Variants in ST3GAL3 observed in about 807,000 individuals in gnomAD.
ST3GAL3 encodes the protein ST3 beta-galactoside alpha-2,3-sialyltransferase 3, also known as CMP-N-acetylneuraminate-beta-1,4-galactoside alpha-2,3-sialyltransferase.
ST3GAL3 carries 21 observed loss-of-function variants against 50.1 expected under a neutral mutation model. The ratio of observed to expected loss-of-function variants is 0.42; its 90% CI spans 0.30 to 0.60. ST3GAL3 has a LOEUF of 0.60. ST3GAL3 is among the 20% of genes least tolerant of loss of function. The pLI is 0.19. For missense variants in ST3GAL3, 353 were observed against 489.4 expected (o/e 0.72, Z 2.63); for synonymous variants, 183 against 190.0 (o/e 0.96, Z 0.30).
chr1:43,808,679 A>G (rs757412547), intron 3 of ST3GAL3, among the ~76,000 whole-genome samples: 3 of 152,188 alleles, frequency 2.0e-5, no homozygotes, highest in Non-Finnish European at 4.4e-5. Flanking sequence ...AGACCAGGGC[A>G]ACTAGAATTC....
Position 43,817,110 on chromosome 1 carries a change from TTC to T in ST3GAL3, c.209+2179_209+2180del, listed in dbSNP as rs1410703214. Among the ~76,000 whole-genome samples the T allele has an allele frequency of 2.0e-5, 3 of 152,368 alleles. No homozygotes were observed. In the East Asian group the frequency reaches 5.8e-4, roughly 29 times the overall value. ...AACTTGAATCAGAACTTGATTTGAA[TTC>T]TGTCTGCTGCATAGTATTACATGAC... On this transcript the variant is annotated intron_variant, in intron 4 of 11. Transcript: ENST00000347631.
At position 43,910,493 on chromosome 1, in the gene ST3GAL3, G is replaced by A. The variant is rs183803855; in HGVS notation, c.745-9911G>A. Among the ~76,000 whole-genome samples, 712 of 152,332 alleles carry A rather than the reference G, an allele frequency of 4.7e-3. 8 individuals carry two copies. The highest frequency in any genetic ancestry group is 7.4e-3 in the Non-Finnish European group (504 of 68,036). ...TAAGAACTAGTAGGACAATGCACAG[G>A]ACAACAGTGACACACTGTGCTCATC... is the stretch of plus-strand genomic sequence containing the variant. On this transcript the variant is annotated intron_variant, in intron 9 of 11. Coordinates refer to ENST00000347631, the MANE Select transcript of ST3GAL3 (RefSeq NM_006279.5).
chr1:43,781,834 G>A (rs555162426), intron 2 of ST3GAL3, among the ~76,000 whole-genome samples: 1 of 152,210 alleles, frequency 6.6e-6, no homozygotes, highest in East Asian at 1.9e-4. Flanking sequence ...CCATTTCATA[G>A]AGAAAATAAA....
chr1:43,776,318 G>T (rs1468902743), intron 2 of ST3GAL3, among the ~76,000 whole-genome samples: 1 of 152,092 alleles, frequency 6.6e-6, no homozygotes, highest in Non-Finnish European at 1.5e-5. Flanking sequence ...ATAATATGTA[G>T]TCTTTTGTGA....
In ST3GAL3 at chr1:43,905,581, C is replaced by T. The variant is rs151287163; in HGVS notation, c.744+5854C>T. ...TCCTGCCACTGTTTCTCCCCCTCCT[C>T]CTGCTTCTCTTCCCGCCACTGTTTC... On this transcript the variant is annotated intron_variant, in intron 9 of 11. Coordinates refer to ENST00000347631, the MANE Select transcript of ST3GAL3 (RefSeq NM_006279.5). 6.5e-3 allele frequency among the ~76,000 whole-genome samples: 347 copies of T among 53,574 alleles called. 27 individuals carry two copies. The highest frequency in any genetic ancestry group is 0.021 in the East Asian group (36 of 1,750). 35.1% of individuals were successfully genotyped at this position (53,574 alleles called of 152,430 possible).
chr1:43,845,551 G>T (rs2066111169), intron 5 of ST3GAL3, among the ~76,000 whole-genome samples: 2 of 151,786 alleles, frequency 1.3e-5, no homozygotes, highest in African/African-American at 2.4e-5. Context: ...CTGATTTGAG[G>T]TTTATCATTT....
At chr1:43,790,511 CTA>C (rs1039813983) in intron 2 of ST3GAL3, among the ~76,000 whole-genome samples, 15 of 151,876 alleles carry the variant, frequency 9.9e-5, no homozygotes, top group African/African-American at 3.1e-4. Context: ...TTATTGAACT[CTA>C]TGTTTAATTT....
At chr1:43,917,628 A>AT (rs2082243387) in intron 9 of ST3GAL3, among the ~76,000 whole-genome samples, 2 of 64,250 alleles carry the variant, frequency 3.1e-5, no homozygotes, top group African/African-American at 1.4e-4. Flanking sequence ...TATATTATAT[A>AT]TAATATATAA....
intron 2 of ST3GAL3, among the ~76,000 whole-genome samples, chr1:43,773,041 C>T (rs1695898233): frequency 6.6e-6 from 1 of 152,230 alleles, no homozygotes; most frequent in Admixed American, 6.5e-5. Flanking sequence ...GCCACCTCGC[C>T]AGGCCTATTC....
chr1:43,810,853 A>G (rs1360520935), intron 3 of ST3GAL3, among the ~76,000 whole-genome samples: 2 of 152,224 alleles, frequency 1.3e-5, no homozygotes, highest in Non-Finnish European at 2.9e-5. Context: ...AAAGCTCACC[A>G]GGAGAGAGTA....
rs1455360683 is a variant in ST3GAL3 at position 43,718,250 on chromosome 1, C to T, written c.-31+10557C>T. Among the ~76,000 whole-genome samples the T allele has an allele frequency of 3.2e-5, 4 of 124,856 alleles. No individual in the cohort carries two copies. The South Asian group carries it at 7.5e-4, about 24-fold the overall frequency. 81.9% of individuals were successfully genotyped at this position (124,856 alleles called of 152,430 possible). On this transcript the variant is annotated intron_variant, in intron 1 of 11. Coordinates refer to ENST00000347631, the MANE Select transcript of ST3GAL3 (RefSeq NM_006279.5). ...TGTCGCCCAGGCTGGAGTGCAGTGG[C>T]GCGATCTTGGCTCACTGCAAGCTAT...
intron 2 of ST3GAL3, among the ~76,000 whole-genome samples, chr1:43,758,169 C>T (rs986961494): frequency 7.2e-6 from 1 of 138,944 alleles, no homozygotes; most frequent in Non-Finnish European, 1.6e-5. Context: ...ACCACCCCCC[C>T]CCCCAAAAAA....
chr1:43,897,989 G>C (rs946839778), intron 6 of ST3GAL3, among the ~76,000 whole-genome samples: 6 of 152,190 alleles, frequency 3.9e-5, no homozygotes, highest in Non-Finnish European at 5.9e-5. Flanking sequence ...GCCTGGGAGA[G>C]AAGCTGCGTG....
chr1:43,920,599 G>T lies in ST3GAL3; in HGVS notation c.891+49G>T, dbSNP rs201847038. 20 of 1,611,222 alleles carry T rather than the reference G, an allele frequency of 1.2e-5. No individual in the cohort carries two copies. In the East Asian group the frequency reaches 4.2e-4, roughly 34 times the overall value. On this transcript the variant is annotated intron_variant, in intron 10 of 11. Transcript: ENST00000347631. Reference sequence around the variant, plus strand: ...AGGGAGGAGGAAAGCTGGGTCAGAAGTGCCTTGGAAGGAAGGGTGGGTGGT... The same window carrying T: ...AGGGAGGAGGAAAGCTGGGTCAGAATTGCCTTGGAAGGAAGGGTGGGTGGT...
intron 3 of ST3GAL3, among the ~76,000 whole-genome samples, chr1:43,794,674 C>A (rs1489870436): frequency 6.6e-6 from 1 of 152,008 alleles, no homozygotes; most frequent in Non-Finnish European, 1.5e-5. Flanking sequence ...CAAAAACAAT[C>A]CAAATACCTA....
At chr1:43,728,653 A>C (rs1270074594) in intron 1 of ST3GAL3, among the ~76,000 whole-genome samples, 1 of 152,184 alleles carries the variant, frequency 6.6e-6, no homozygotes, top group African/African-American at 2.4e-5. Flanking sequence ...TGGGAAGCTG[A>C]GATGGGAGGA....
chr1:43,901,785 ACTC>A (rs1384116793), intron 9 of ST3GAL3, among the ~76,000 whole-genome samples: 17 of 152,120 alleles, frequency 1.1e-4, no homozygotes, highest in Admixed American at 9.8e-4. Context: ...ATTGGTGAGA[ACTC>A]CTACCCAGGG....
chr1:43,859,078 C>T (rs1476363483), intron 5 of ST3GAL3, among the ~76,000 whole-genome samples: 1 of 152,188 alleles, frequency 6.6e-6, no homozygotes, highest in African/African-American at 2.4e-5. Context: ...TACACAGCCC[C>T]CAGAGTGTGG....
At chr1:43,926,917 C>A (rs1016955201) in intron 11 of ST3GAL3, among the ~76,000 whole-genome samples, 1 of 152,164 alleles carries the variant, frequency 6.6e-6, no homozygotes, top group Non-Finnish European at 1.5e-5. Flanking sequence ...CACGTTCCTG[C>A]CCCCCACCTT....
Sources: gnomAD v4.1 joint callset for allele counts (sites outside exome capture counted in the v4.1 genomes callset) on GRCh38, gnomAD v4.1.1 for gene constraint, MANE v1.5 for transcripts, NCBI Gene and HGNC (gene_info 2026-07-23, HGNC 2026-07-21) for gene names.